Variants in SLC24A5 observed in about 807,000 individuals in gnomAD.
The protein encoded by SLC24A5 is solute carrier family 24 member 5, also known as sodium/potassium/calcium exchanger 5.
In SLC24A5, 46 loss-of-function variants were observed where a neutral mutation model predicts 51.6. That is an observed-to-expected ratio of 0.89 (90% CI 0.70 to 1.14). The LOEUF is 1.14. SLC24A5 is among the 50% of genes most tolerant of loss of function. SLC24A5 has a pLI of 0.00. For synonymous variants in SLC24A5, 230 were observed against 214.9 expected (o/e 1.07, Z -0.62); for missense variants, 581 against 604.1 (o/e 0.96, Z 0.40).
chr15:48,135,247 T>C (rs960787174), intron 5 of SLC24A5: 13 of 295,884 alleles, frequency 4.4e-5, no homozygotes, highest in African/African-American at 6.4e-5. Context: ...CCCCACTGGC[T>C]GCCTATTCAG....
At chr15:48,134,566 G>C in intron 4 of SLC24A5, 28 bp downstream of exon 4, 1 of 1,558,286 alleles carries the variant, frequency 6.4e-7, no homozygotes, top group Non-Finnish European at 8.8e-7. Flanking sequence ...TCAACAAAAT[G>C]TATTGTCTTA....
chr15:48,121,815 G>T (rs778023324), intron 1 of SLC24A5, 42 bp from the exon 2 acceptor site: 52 of 1,595,014 alleles, frequency 3.3e-5, no homozygotes, highest in Non-Finnish European at 4.1e-5. Context: ...TGGAATGTGT[G>T]ACTCCAAACT....
At chr15:48,134,678 A>G (rs1305876345) in intron 4 of SLC24A5, 140 bp downstream of exon 4, 1 of 723,390 alleles carries the variant, frequency 1.4e-6, no homozygotes, top group Non-Finnish European at 2.3e-6. Context: ...ACATGTATTC[A>G]ATTTAATGTT....
At chr15:48,129,557 C>T (rs552162607) in intron 2 of SLC24A5, among the ~76,000 whole-genome samples, 122 of 152,038 alleles carry the variant, frequency 8.0e-4, no homozygotes, top group South Asian at 5.2e-3. Flanking sequence ...TGCCACAGGA[C>T]GCCAAATTGC....
chr15:48,127,489 G>C (rs1025415287), intron 2 of SLC24A5, among the ~76,000 whole-genome samples: 3 of 152,214 alleles, frequency 2.0e-5, no homozygotes, highest in African/African-American at 7.2e-5. Flanking sequence ...AATAAGCCAT[G>C]TGACAACTTT....
chr15:48,125,754 A>G (rs767253195), intron 2 of SLC24A5, among the ~76,000 whole-genome samples: 14 of 152,216 alleles, frequency 9.2e-5, no homozygotes, highest in Non-Finnish European at 1.3e-4. Context: ...TCCCAGGCCT[A>G]AACATTTTGT....
intron 2 of SLC24A5, among the ~76,000 whole-genome samples, chr15:48,133,995 T>C (rs538332841): frequency 6.6e-6 from 1 of 152,130 alleles, no homozygotes. Flanking sequence ...TCTGAACGCT[T>C]TTCTGGGTTC....
At chr15:48,130,786 A>G (rs1327184912) in intron 2 of SLC24A5, among the ~76,000 whole-genome samples, 1 of 152,162 alleles carries the variant, frequency 6.6e-6, no homozygotes, top group East Asian at 1.9e-4. Context: ...TTCCACCAGG[A>G]AAGAATAGAA....
intron 7 of SLC24A5, chr15:48,139,668 CATA>C (rs1404741392): frequency 8.5e-5 from 13 of 152,322 alleles, no homozygotes; most frequent in Non-Finnish European, 1.6e-4. Flanking sequence ...GTGAAAAGGG[CATA>C]ATAATTTTAT....
intron 2 of SLC24A5, chr15:48,122,411 T>C (rs1386506374): frequency 1.2e-5 from 4 of 330,740 alleles, no homozygotes; most frequent in Non-Finnish European, 2.2e-5. Flanking sequence ...AAAAAACTTT[T>C]TTTTATTTTT....
intron 2 of SLC24A5, among the ~76,000 whole-genome samples, chr15:48,128,783 A>G (rs2038758735): frequency 6.6e-6 from 1 of 152,152 alleles, no homozygotes; most frequent in East Asian, 1.9e-4. Flanking sequence ...CTAAATCTAC[A>G]CCAGGCATAC....
chr15:48,139,335 C>A, intron 7 of SLC24A5, 160 bp downstream of exon 7: 1 of 568,246 alleles, frequency 1.8e-6, no homozygotes, highest in Non-Finnish European at 3.1e-6. Context: ...ATAACAAGAT[C>A]ACTGGAGTTT....
intron 7 of SLC24A5, chr15:48,140,135 A>G (rs1597271292): frequency 6.6e-6 from 1 of 152,122 alleles, no homozygotes; most frequent in East Asian, 1.9e-4. Context: ...CTTGCATATT[A>G]TATCTATCCA....
intron 2 of SLC24A5, among the ~76,000 whole-genome samples, chr15:48,128,397 T>A (rs965861332): frequency 1.2e-4 from 18 of 152,212 alleles, no homozygotes; most frequent in African/African-American, 4.1e-4. Context: ...GAAATATACT[T>A]AAATATTTAC....
chr15:48,123,249 A>G (rs909007525), intron 2 of SLC24A5: 1 of 151,878 alleles, frequency 6.6e-6, no homozygotes, highest in African/African-American at 2.4e-5. Flanking sequence ...TTGACGTTAC[A>G]TCTTATATAT....
chr15:48,140,981 C>T (rs560793640), intron 7 of SLC24A5, 132 bp from the exon 8 acceptor site: 2 of 648,354 alleles, frequency 3.1e-6, no homozygotes, highest in East Asian at 2.9e-5. Flanking sequence ...AACTAATAAG[C>T]AAGCACATAT....
At chr15:48,138,694 T>C in intron 6 of SLC24A5, 1 of 320,298 alleles carries the variant, frequency 3.1e-6, no homozygotes, top group East Asian at 5.8e-5. Flanking sequence ...TCATAAACAC[T>C]ATCTACAATA....
At position 48,142,353 on chromosome 15, in the gene SLC24A5, A is replaced by G. The variant is rs140325992; in HGVS notation, c.*2A>G. The stretch of plus-strand genomic sequence containing the variant: ...AAAATAAGGGGCTGTGGAGGTTGAT[A>G]TTATTAATAGTGTTATGCAGAAAAT... On this transcript the variant is annotated 3_prime_UTR_variant, in exon 9 of 9. Transcript: ENST00000341459. 3.8e-6 allele frequency: 6 copies of G among 1,574,268 alleles called. No homozygotes were observed. In the African/African-American group the frequency reaches 5.5e-5, roughly 14 times the overall value.
At chr15:48,136,473 A>C (rs77720529) in intron 5 of SLC24A5, 1 of 395,984 alleles carries the variant, frequency 2.5e-6, no homozygotes, top group Non-Finnish European at 4.4e-6. Flanking sequence ...AAAAAAAAAA[A>C]ACAACACAGA....
Sources: gnomAD v4.1 joint callset for allele counts (sites outside exome capture counted in the v4.1 genomes callset) on GRCh38, gnomAD v4.1.1 for gene constraint, MANE v1.5 for transcripts, NCBI Gene and HGNC (gene_info 2026-07-23, HGNC 2026-07-21) for gene names.